The following MAP2 variants were observed in gnomAD, a reference collection of about 807,000 sequenced individuals.
MAP2 encodes microtubule associated protein 2.
MAP2 carries 14 observed loss-of-function variants against 137.6 expected under a neutral mutation model. The observed-to-expected ratio is 0.10, with a 90% CI of 0.07 to 0.16. The LOEUF (loss-of-function observed/expected upper bound fraction) is 0.16, where lower values mean the gene tolerates loss of function less well. Ranked by LOEUF, MAP2 falls within the 10% of genes least tolerant of loss-of-function variation. MAP2 has a pLI of 1.00. For synonymous variants in MAP2, 786 were observed against 782.3 expected (o/e 1.00, Z -0.08); for missense variants, 2,088 against 2,191.5 (o/e 0.95, Z 0.94).
intron 1 of MAP2, among the ~76,000 whole-genome samples, chr2:209,434,844 T>C: frequency 9.7e-6 from 1 of 102,966 alleles, no homozygotes; most frequent in South Asian, 2.8e-4. Context: ...TATATATATA[T>C]ATATGTTATA....
At position 209,524,078 on chromosome 2, in the gene MAP2, C is replaced by T. The variant is rs180721260; in HGVS notation, c.-172+16437C>T. ...AATGCAGCGAAACAATTTAGTGCAT[C>T]AAAAACTACATATTGTGGTATGAGT... is the stretch of plus-strand genomic sequence containing the variant. On this transcript the variant is annotated intron_variant, in intron 2 of 15. Transcript: ENST00000682079. 6.1e-4 allele frequency among the ~76,000 whole-genome samples: 93 copies of T among 151,982 alleles called. 1 individual carries two copies. Among genetic ancestry groups the T allele is most frequent in the African/African-American group, 2.2e-3 (90 of 41,474 alleles).
intron 4 of MAP2, among the ~76,000 whole-genome samples, chr2:209,651,227 C>A (rs2094773111): frequency 6.6e-6 from 1 of 152,060 alleles, no homozygotes; most frequent in African/African-American, 2.4e-5. Flanking sequence ...GCTAATTTTT[C>A]AATGTACACA....
intron 1 of MAP2, among the ~76,000 whole-genome samples, chr2:209,495,085 C>T (rs560645662): frequency 3.3e-5 from 5 of 152,364 alleles, no homozygotes; most frequent in South Asian, 2.1e-4. Context: ...TTGGACTGGG[C>T]GGAGCCCAGC....
chr2:209,606,275 T>C (rs1028943729), intron 3 of MAP2, among the ~76,000 whole-genome samples: 1 of 152,196 alleles, frequency 6.6e-6, no homozygotes, highest in Admixed American at 6.6e-5. Context: ...GTGTCTATGG[T>C]TAAAAATATA....
At chr2:209,663,728 T>C (rs2044812790) in intron 5 of MAP2, among the ~76,000 whole-genome samples, 1 of 152,198 alleles carries the variant, frequency 6.6e-6, no homozygotes, top group Non-Finnish European at 1.5e-5. Flanking sequence ...TCCATATTTT[T>C]AATTTGTAAA....
At chr2:209,573,641 G>A (rs1041815760) in intron 2 of MAP2, among the ~76,000 whole-genome samples, 4 of 151,986 alleles carry the variant, frequency 2.6e-5, no homozygotes, top group African/African-American at 9.7e-5. Context: ...AATTCATGTG[G>A]CATGAAATTC....
At chr2:209,556,532 TAA>T (rs2070702182) in intron 2 of MAP2, among the ~76,000 whole-genome samples, 1 of 152,144 alleles carries the variant, frequency 6.6e-6, no homozygotes, top group African/African-American at 2.4e-5. Context: ...TGGCACATAG[TAA>T]GTGCTACAAC....
intron 5 of MAP2, chr2:209,661,544 C>T: frequency 1.0e-6 from 1 of 985,502 alleles, no homozygotes; most frequent in Non-Finnish European, 1.2e-6. Flanking sequence ...CACTGCGAAG[C>T]ATCTGGGCCT....
intron 4 of MAP2, among the ~76,000 whole-genome samples, chr2:209,639,155 C>T (rs1050973831): frequency 1.3e-5 from 2 of 152,076 alleles, no homozygotes; most frequent in Non-Finnish European, 2.9e-5. Context: ...CAGGCATGAA[C>T]CACCATGCCT....
In MAP2 at chr2:209,693,836, G is replaced by T. The variant is rs752338755; in HGVS notation, c.1666G>T (p.Ala556Ser). Residue 556 changes from alanine (A) to serine (S), a missense_variant, in exon 8 of 16, where the codon GCT becomes TCT. By Grantham distance (99) the Ala-to-Ser change is moderately conservative (BLOSUM62 1). Transcript: ENST00000682079. ...TGAAGGAGTTGGAGCTGCAACATCA[G>T]CTGAGCTTGATATGCCATTTTATGA... is the stretch of plus-strand genomic sequence containing the variant. ...KIEGVGAATS[A>S]ELDMPFYEDK... 7.4e-6 allele frequency: 12 copies of T among 1,613,880 alleles called. No homozygotes were observed. In the South Asian group the frequency reaches 1.2e-4, roughly 16 times the overall value.
intron 2 of MAP2, among the ~76,000 whole-genome samples, chr2:209,535,822 A>C (rs985688549): frequency 6.6e-6 from 1 of 152,090 alleles, no homozygotes; most frequent in African/African-American, 2.4e-5. Context: ...TATAATATAA[A>C]ATTTTATTTA....
intron 2 of MAP2, among the ~76,000 whole-genome samples, chr2:209,545,682 G>T (rs1240863553): frequency 6.6e-6 from 1 of 151,892 alleles, no homozygotes; most frequent in Non-Finnish European, 1.5e-5. Context: ...GTATTTTTTT[G>T]TTAACAGTTT....
chr2:209,493,564 C>T (rs1318867223), intron 1 of MAP2, among the ~76,000 whole-genome samples: 1 of 152,196 alleles, frequency 6.6e-6, no homozygotes, highest in Non-Finnish European at 1.5e-5. Context: ...TATCCAGAGT[C>T]TACAAGGAAC....
chr2:209,703,270 G>A (rs1584007487), intron 11 of MAP2, among the ~76,000 whole-genome samples: 2 of 151,978 alleles, frequency 1.3e-5, no homozygotes, highest in South Asian at 4.1e-4. Context: ...AAATTCTGTT[G>A]AAGTCAATGT....
chr2:209,643,729 A>G (rs925988839), intron 4 of MAP2, among the ~76,000 whole-genome samples: 1 of 152,206 alleles, frequency 6.6e-6, no homozygotes, highest in Non-Finnish European at 1.5e-5. Flanking sequence ...AATTTTAAAC[A>G]TTCTTGGAAG....
At chr2:209,690,780 A>G (rs748891341) in intron 7 of MAP2, 25 of 1,289,710 alleles carry the variant, frequency 1.9e-5, no homozygotes, top group South Asian at 1.5e-4. Flanking sequence ...GGGGCCCCAC[A>G]TGAGAAAAGT....
intron 4 of MAP2, among the ~76,000 whole-genome samples, chr2:209,652,855 T>G (rs1349805891): frequency 6.6e-6 from 1 of 152,176 alleles, no homozygotes; most frequent in Non-Finnish European, 1.5e-5. Context: ...TTTTCATTGT[T>G]GTTTGGTTTT....
chr2:209,641,693 G>A (rs1178680495), intron 4 of MAP2, among the ~76,000 whole-genome samples: 1 of 150,142 alleles, frequency 6.7e-6, no homozygotes, highest in Non-Finnish European at 1.5e-5. Context: ...TAGGGGTGGG[G>A]GGACTTAAAA....
intron 3 of MAP2, among the ~76,000 whole-genome samples, chr2:209,587,450 T>C (rs1230453444): frequency 2.0e-5 from 3 of 152,150 alleles, no homozygotes; most frequent in Non-Finnish European, 4.4e-5. Context: ...TCTGAGGGAT[T>C]TGTCAGAACT....
Sources: allele counts gnomAD v4.1 joint callset (sites outside exome capture counted in the v4.1 genomes callset), GRCh38; gene constraint gnomAD v4.1.1; transcripts MANE v1.5; gene names NCBI Gene and HGNC (gene_info 2026-07-23, HGNC 2026-07-21).